Variants in OCIAD1 observed in about 807,000 individuals in gnomAD.
The protein encoded by OCIAD1 is OCIA domain containing 1, also known as OCIA domain-containing protein 1.
A neutral mutation model predicts 38.9 loss-of-function variants in OCIAD1; 29 were observed. The observed-to-expected ratio is 0.74, with a 90% CI of 0.55 to 1.02. The LOEUF (loss-of-function observed/expected upper bound fraction) is 1.02. Among genes scored for constraint, OCIAD1 ranks in the 50% least tolerant of loss-of-function variants. The pLI, the probability that OCIAD1 is intolerant of heterozygous loss-of-function variation, is 0.00. For missense variants in OCIAD1, 288 were observed against 289.6 expected, an observed-to-expected ratio of 0.99 and a Z score of 0.04; for synonymous variants, 110 against 92.0, an observed-to-expected ratio of 1.20 and a Z score of -1.12.
intron 1 of OCIAD1, among the ~76,000 whole-genome samples, chr4:48,811,006 C>T (rs1468163097): frequency 6.6e-6 from 1 of 151,166 alleles, no homozygotes; most frequent in East Asian, 1.9e-4. Flanking sequence ...CAGGCACACA[C>T]TACCATGTCT....
Position 48,832,664 on chromosome 4 carries a change from G to A in OCIAD1, c.40G>A (p.Val14Ile), listed in dbSNP as rs1412471014. 3.1e-6 allele frequency: 5 copies of A among 1,612,612 alleles called. No individual in the cohort carries two copies. The highest frequency in any genetic ancestry group is 1.7e-5 in the Admixed American group (1 of 60,006). Residue 14 changes from valine to isoleucine, a missense_variant, in exon 2 of 9, where the codon GTT becomes ATT. Transcript: ENST00000264312. ...RADFREPNAE[V>I]PRPIPHIGPD... ...TGATTTTCGAGAGCCGAATGCAGAGGTTCCAAGACCAATTCCCCGTAACTA... is the reference window on the plus strand; with the variant it reads ...TGATTTTCGAGAGCCGAATGCAGAGATTCCAAGACCAATTCCCCGTAACTA...
chr4:48,811,950 C>T (rs571884984), intron 1 of OCIAD1, among the ~76,000 whole-genome samples: 1 of 151,918 alleles, frequency 6.6e-6, no homozygotes, highest in African/African-American at 2.4e-5. Context: ...TGTAGGCAGA[C>T]ATATGTGTCT....
intron 6 of OCIAD1, 62 bp from the exon 7 acceptor site, chr4:48,851,744 C>T (rs2109592407): frequency 1.1e-6 from 1 of 873,754 alleles, no homozygotes; most frequent in South Asian, 1.8e-5. Context: ...GTTATTTTAA[C>T]ACTTCTTTAA....
chr4:48,811,963 A>G (rs989251968), intron 1 of OCIAD1, among the ~76,000 whole-genome samples: 2 of 152,138 alleles, frequency 1.3e-5, no homozygotes, highest in African/African-American at 4.8e-5. Flanking sequence ...ATGTGTCTGA[A>G]GTTCCAGAGA....
At position 48,831,125 on chromosome 4, in the gene OCIAD1, C is replaced by G. The variant is rs965042389; in HGVS notation, c.-130C>G. Reference sequence around the variant, plus strand: ...GGATGACTTCTTGCGGCTGTTCTACCCCTCCCCCTCCCCGCGGTACCTTGC... The same window carrying G: ...GGATGACTTCTTGCGGCTGTTCTACGCCTCCCCCTCCCCGCGGTACCTTGC... On this transcript the variant is annotated 5_prime_UTR_variant, in exon 1 of 9. Transcript: ENST00000264312. 4 of 282,852 alleles carry G rather than the reference C, an allele frequency of 1.4e-5. No homozygotes were observed. In the Admixed American group the frequency reaches 1.4e-4, roughly 10 times the overall value. The allele number at this position is 282,852 out of a possible 1,614,324, so 17.5% of individuals were successfully genotyped here.
intron 1 of OCIAD1, among the ~76,000 whole-genome samples, chr4:48,832,316 A>G (rs1777580027): frequency 6.6e-6 from 1 of 152,244 alleles, no homozygotes; most frequent in African/African-American, 2.4e-5. Context: ...TTCCAGGAGG[A>G]AAAAATATGT....
At chr4:48,853,085 T>A (rs1404093278) in intron 7 of OCIAD1, among the ~76,000 whole-genome samples, 1 of 151,940 alleles carries the variant, frequency 6.6e-6, no homozygotes, top group Non-Finnish European at 1.5e-5. Context: ...TTCACTGTGT[T>A]GGCCAGGATG....
At chr4:48,856,319 A>G (rs1486187627) in intron 7 of OCIAD1, 5 of 152,222 alleles carry the variant, frequency 3.3e-5, no homozygotes, top group Non-Finnish European at 7.3e-5. Context: ...CATCTGTTAG[A>G]CTGGAATGAA....
Position 48,861,387 on chromosome 4 carries a change from A to G in OCIAD1, c.*625A>G, listed in dbSNP as rs1340360737. The G allele has an allele frequency of 6.6e-6, 1 of 152,282 alleles. No homozygotes were observed. The allele number at this position is 152,282 out of a possible 1,614,324, so 9.4% of individuals were successfully genotyped here. A position where few individuals can be genotyped will look rare whatever the true frequency, so the allele number is the denominator to read the frequency against. On this transcript the variant is annotated 3_prime_UTR_variant, in exon 9 of 9. Coordinates refer to ENST00000264312, the MANE Select transcript of OCIAD1 (RefSeq NM_017830.4). ...TAATATGGCTATAATATGGCTATAA[A>G]TCTATAATATGGCTGGAGGCAGTGG...
At chr4:48,805,850 C>T (rs1236803486) in intron 1 of OCIAD1, among the ~76,000 whole-genome samples, 1 of 152,090 alleles carries the variant, frequency 6.6e-6, no homozygotes, top group African/African-American at 2.4e-5. Flanking sequence ...TATATGCTGG[C>T]TTTATAAATT....
At chr4:48,851,710 T>C (rs1779488256) in intron 6 of OCIAD1, 96 bp from the exon 7 acceptor site, 1 of 593,314 alleles carries the variant, frequency 1.7e-6, no homozygotes, top group Non-Finnish European at 2.8e-6. Context: ...ATATATAATT[T>C]TGGAAATAAG....
intron 8 of OCIAD1, 90 bp downstream of exon 8, chr4:48,857,455 T>A (rs1237982952): frequency 2.8e-6 from 2 of 726,250 alleles, no homozygotes; most frequent in Non-Finnish European, 4.1e-6. Context: ...TTAATTAATA[T>A]GTGATTTAAC....
chr4:48,851,693 T>G, intron 6 of OCIAD1, 113 bp from the exon 7 acceptor site: 2 of 504,292 alleles, frequency 4.0e-6, no homozygotes, highest in East Asian at 3.3e-5. Flanking sequence ...TAAAAAAAAT[T>G]ATATGTATAT....
upstream of OCIAD1, among the ~76,000 whole-genome samples, chr4:48,827,581 C>T (rs190245591): frequency 3.2e-4 from 49 of 152,356 alleles, no homozygotes; most frequent in African/African-American, 1.1e-3. Flanking sequence ...TACCAAAAGA[C>T]TCAATAACCT....
intron 1 of OCIAD1, among the ~76,000 whole-genome samples, chr4:48,821,893 G>A (rs1250508929): frequency 1.3e-5 from 2 of 152,178 alleles, no homozygotes. Context: ...GGAAATACGA[G>A]AGGACACAAA....
chr4:48,812,126 C>CA (rs972117161), intron 1 of OCIAD1, among the ~76,000 whole-genome samples: 41 of 150,438 alleles, frequency 2.7e-4, no homozygotes, highest in African/African-American at 9.8e-4. Context: ...ACTAAAAATA[C>CA]AAAAAAATTA....
chr4:48,820,412 GA>G (rs1560408475), intron 1 of OCIAD1, among the ~76,000 whole-genome samples: 1 of 152,176 alleles, frequency 6.6e-6, no homozygotes, highest in Non-Finnish European at 1.5e-5. Context: ...GTGTTAAGAG[GA>G]AAATTTATAG....
rs774577643 is a variant in OCIAD1, at chr4:48,842,680, A to C, written c.184A>C (p.Ile62Leu). The change falls in exon 4 of 9, where the codon ATT (isoleucine) becomes CTT (leucine). Residue 62 changes from isoleucine to leucine, a missense_variant. Coordinates refer to ENST00000264312, the MANE Select transcript of OCIAD1 (RefSeq NM_017830.4). Reference protein sequence around the residue: ...ATSMLITQGLISKGILSSHPK... With the variant: ...ATSMLITQGLLSKGILSSHPK... ...AAGTATGTTGATTACTCAAGGATTA[A>C]TTAGTAAAGGTAAATATTTAAAATT... 1 of 1,542,770 alleles carries C rather than the reference A, an allele frequency of 6.5e-7. No individual in the cohort carries two copies. The highest frequency in any genetic ancestry group is 8.8e-7 in the Non-Finnish European group (1 of 1,135,298).
chr4:48,806,001 T>C (rs957644928), intron 1 of OCIAD1, among the ~76,000 whole-genome samples: 1 of 152,214 alleles, frequency 6.6e-6, no homozygotes, highest in African/African-American at 2.4e-5. Context: ...TGGTGGTGGC[T>C]CACGCCTGTA....
Sources: allele counts gnomAD v4.1 joint callset (sites outside exome capture counted in the v4.1 genomes callset), GRCh38; gene constraint gnomAD v4.1.1; transcripts MANE v1.5; gene names NCBI Gene and HGNC (gene_info 2026-07-23, HGNC 2026-07-21).